Variants in NTN4 observed in about 807,000 individuals in gnomAD.
NTN4 encodes the protein netrin 4.
In NTN4, 32 loss-of-function variants were observed where a neutral mutation model predicts 73.6. That is an observed-to-expected ratio of 0.44 (90% CI 0.33 to 0.58). NTN4 has a LOEUF of 0.58. Among genes scored for constraint, NTN4 ranks in the 20% least tolerant of loss-of-function variants. The pLI is 0.04. For synonymous variants in NTN4, 258 were observed against 287.5 expected, an observed-to-expected ratio of 0.90 and a Z score of 1.04; for missense variants, 654 against 798.3, an observed-to-expected ratio of 0.82 and a Z score of 2.18.
At chr12:95,729,909 TC>T (rs1402050226) in intron 3 of NTN4, among the ~76,000 whole-genome samples, 4 of 152,026 alleles carry the variant, frequency 2.6e-5, no homozygotes, top group Admixed American at 1.3e-4. Context: ...AGCTTCCTTC[TC>T]CCCATGAACC....
At chr12:95,775,201 T>C (rs1376449503) in intron 2 of NTN4, among the ~76,000 whole-genome samples, 1 of 152,242 alleles carries the variant, frequency 6.6e-6, no homozygotes, top group Non-Finnish European at 1.5e-5. Flanking sequence ...TACTGAGGCT[T>C]GGTTCCAAGA....
At chr12:95,703,817 G>A (rs537212787) in intron 5 of NTN4, among the ~76,000 whole-genome samples, 33 of 152,102 alleles carry the variant, frequency 2.2e-4, no homozygotes, top group African/African-American at 7.7e-4. Context: ...GTAAACCTTC[G>A]TTAATTTGGA....
chr12:95,742,365 T>TAAAA (rs58390951), intron 2 of NTN4, among the ~76,000 whole-genome samples: 5 of 136,536 alleles, frequency 3.7e-5, no homozygotes, highest in African/African-American at 1.3e-4. Flanking sequence ...ATGGTGGCGT[T>TAAAA]AAAAAAAAAA....
At chr12:95,672,950 T>G in intron 7 of NTN4, 1 of 1,124,238 alleles carries the variant, frequency 8.9e-7, no homozygotes. Flanking sequence ...GGTATTCCCA[T>G]TGTCTGTAAA....
intron 4 of NTN4, 29 bp downstream of exon 4, chr12:95,713,183 C>A (rs376461445): frequency 6.2e-7 from 1 of 1,601,578 alleles, no homozygotes; most frequent in Non-Finnish European, 8.5e-7. Flanking sequence ...ACAAAGAAAG[C>A]TTTTGAGTAT....
At chr12:95,693,931 G>A (rs908120314) in intron 5 of NTN4, among the ~76,000 whole-genome samples, 79 of 151,956 alleles carry the variant, frequency 5.2e-4, no homozygotes, top group African/African-American at 1.9e-3. Context: ...GAACATAATG[G>A]AACCATTATG....
intron 2 of NTN4, among the ~76,000 whole-genome samples, chr12:95,759,779 T>A (rs768880963): frequency 6.6e-6 from 1 of 152,180 alleles, no homozygotes; most frequent in Non-Finnish European, 1.5e-5. Flanking sequence ...GTATATTTTT[T>A]AAATTTCAGA....
chr12:95,678,785 A>G (rs1427616649), intron 7 of NTN4, among the ~76,000 whole-genome samples: 4 of 152,206 alleles, frequency 2.6e-5, no homozygotes, highest in African/African-American at 7.2e-5. Context: ...ATACAAAAAA[A>G]AAGTGACACA....
intron 5 of NTN4, among the ~76,000 whole-genome samples, chr12:95,708,576 A>C (rs1309247056): frequency 1.3e-5 from 2 of 151,880 alleles, no homozygotes; most frequent in Non-Finnish European, 2.9e-5. Context: ...TTATTTTTAA[A>C]TATAATATTA....
chr12:95,755,689 A>T (rs1029188177), intron 2 of NTN4, among the ~76,000 whole-genome samples: 10 of 152,234 alleles, frequency 6.6e-5, no homozygotes, highest in Non-Finnish European at 4.4e-5. Context: ...AATGCAGTGC[A>T]CTCAAGTGAC....
At chr12:95,770,714 C>G (rs369329800) in intron 2 of NTN4, among the ~76,000 whole-genome samples, 70 of 152,308 alleles carry the variant, frequency 4.6e-4, no homozygotes, top group Non-Finnish European at 7.8e-4. Context: ...AACAGAGAAG[C>G]CTTTTTCAGT....
chr12:95,727,852 T>C (rs1348880338), intron 3 of NTN4, among the ~76,000 whole-genome samples: 2 of 152,242 alleles, frequency 1.3e-5, no homozygotes, highest in Non-Finnish European at 2.9e-5. Flanking sequence ...AGAATTTTGA[T>C]AGATATCACA....
rs371683604 is a variant in NTN4 at position 95,743,307 on chromosome 12, T to C, written c.586-5163A>G. Among the ~76,000 whole-genome samples, 50 of 152,334 alleles carry C rather than the reference T, an allele frequency of 3.3e-4. No individual in the cohort carries two copies. The South Asian group carries it at 0.01, about 31-fold the overall frequency. The stretch of plus-strand genomic sequence containing the variant: ...TCTGTTTTTCTTTTTCATTGGTTTC[T>C]GCTTTTATCTTTATTATTTACTTTC... On this transcript the variant is annotated intron_variant, in intron 2 of 9. Transcript: ENST00000343702.
Position 95,659,192 on chromosome 12 carries a change from T to G in NTN4, c.1781A>C (p.Asp594Ala). 1 of 1,613,656 alleles carries G rather than the reference T, an allele frequency of 6.2e-7. No homozygotes were observed. Among genetic ancestry groups the G allele is most frequent in the Non-Finnish European group, 8.5e-7 (1 of 1,179,750 alleles). ...GLEYLVAGHE[D>A]IRTGKLIVNM... is the part of the protein sequence containing the mutation. The stretch of plus-strand genomic sequence containing the variant: ...CACAATTAGTTTGCCTGTTCTTATA[T>G]CCTCATGTCCTGCTACAAGGTATTC... The change falls in exon 10 of 10, where the codon GAT becomes GCT. Residue 594 changes from aspartate to alanine, a missense_variant. Coordinates refer to ENST00000343702, the MANE Select transcript of NTN4 (RefSeq NM_021229.4).
chr12:95,732,238 C>G (rs907264474), intron 3 of NTN4, among the ~76,000 whole-genome samples: 2 of 142,194 alleles, frequency 1.4e-5, no homozygotes, highest in Non-Finnish European at 3.1e-5. Context: ...TTCTTTCTTT[C>G]TCTGTCTTTC....
At chr12:95,754,375 A>C in intron 2 of NTN4, among the ~76,000 whole-genome samples, 1 of 152,054 alleles carries the variant, frequency 6.6e-6, no homozygotes. Context: ...TTCTCTCTCC[A>C]TACCACCCCC....
At chr12:95,772,637 ATCT>A (rs2079065396) in intron 2 of NTN4, among the ~76,000 whole-genome samples, 1 of 152,214 alleles carries the variant, frequency 6.6e-6, no homozygotes, top group Non-Finnish European at 1.5e-5. Context: ...TCCCTGGCAC[ATCT>A]TCTCTATCTC....
intron 2 of NTN4, among the ~76,000 whole-genome samples, chr12:95,765,673 G>A (rs1385610070): frequency 2.0e-5 from 3 of 152,062 alleles, no homozygotes; most frequent in African/African-American, 2.4e-5. Context: ...CATATTTGTC[G>A]AGTGACAGGA....
chr12:95,745,785 G>A (rs944652431), intron 2 of NTN4, among the ~76,000 whole-genome samples: 4 of 152,192 alleles, frequency 2.6e-5, no homozygotes, highest in South Asian at 2.1e-4. Context: ...ATGCAGTTCA[G>A]TTTCCTGGAA....
Sources: allele counts gnomAD v4.1 joint callset (sites outside exome capture counted in the v4.1 genomes callset), GRCh38; gene constraint gnomAD v4.1.1; transcripts MANE v1.5; gene names NCBI Gene and HGNC (gene_info 2026-07-23, HGNC 2026-07-21).